Variants in FUBP3 observed in about 807,000 individuals in gnomAD.
FUBP3 encodes the protein far upstream element binding protein 3.
In FUBP3, 28 loss-of-function variants were observed where a neutral mutation model predicts 85.6. That is an observed-to-expected ratio of 0.33 (90% CI 0.24 to 0.45). The LOEUF (loss-of-function observed/expected upper bound fraction) is 0.45, where lower values mean the gene tolerates loss of function less well. Among genes scored for constraint, FUBP3 ranks in the 20% least tolerant of loss-of-function variants. The probability of loss-of-function intolerance (pLI) is 1.00; values close to 1 mark genes in which losing one functional copy is unlikely to be tolerated. For missense variants in FUBP3, 583 were observed against 755.1 expected, an observed-to-expected ratio of 0.77 and a Z score of 2.67; for synonymous variants, 271 against 271.4, an observed-to-expected ratio of 1.00 and a Z score of 0.01.
rs114245613 is a variant in FUBP3, at chr9:130,603,898, G to A, written c.191-6056G>A. ...GCACAGTCCACAACTGCACTGTTGG[G>A]CATTTATCCCCAAGAAAGGAAAATG... On this transcript the variant is annotated intron_variant, in intron 2 of 18. Coordinates refer to ENST00000319725, the MANE Select transcript of FUBP3 (RefSeq NM_003934.2). 3.3e-3 allele frequency among the ~76,000 whole-genome samples: 499 copies of A among 152,222 alleles called. 4 individuals are homozygous for A. The highest frequency in any genetic ancestry group is 0.011 in the African/African-American group (470 of 41,526).
At chr9:130,631,292 A>AG (rs1830197915) in intron 13 of FUBP3, 1 of 1,359,392 alleles carries the variant, frequency 7.4e-7, no homozygotes, top group African/African-American at 1.5e-5. Context: ...AGAGTCAAGC[A>AG]GGTTGGTCCC....
At chr9:130,605,855 ACACCTG>A (rs1484316011) in intron 2 of FUBP3, among the ~76,000 whole-genome samples, 7 of 152,122 alleles carry the variant, frequency 4.6e-5, no homozygotes, top group Non-Finnish European at 8.8e-5. Context: ...ATGGCGGCAC[ACACCTG>A]TAATCCTGGC....
chr9:130,610,068 A>G (rs1027466264), intron 3 of FUBP3, 81 bp downstream of exon 3: 7 of 1,125,822 alleles, frequency 6.2e-6, no homozygotes, highest in South Asian at 5.0e-5. Context: ...GAGTGCTAGA[A>G]AGTCAGAGGT....
At chr9:130,623,067 A>G (rs777188942) in intron 10 of FUBP3, among the ~76,000 whole-genome samples, 2 of 152,004 alleles carry the variant, frequency 1.3e-5, no homozygotes, top group Admixed American at 6.6e-5. Context: ...GAGTATATGC[A>G]TAGTATGTCA....
intron 2 of FUBP3, among the ~76,000 whole-genome samples, chr9:130,605,934 AG>A (rs1831404926): frequency 7.3e-6 from 1 of 137,566 alleles, no homozygotes; most frequent in South Asian, 2.5e-4. Context: ...CAGTGAGCCG[AG>A]ATCGCGCCGC....
intron 2 of FUBP3, among the ~76,000 whole-genome samples, chr9:130,602,194 C>A (rs145781900): frequency 6.6e-6 from 1 of 152,112 alleles, no homozygotes; most frequent in South Asian, 2.1e-4. Flanking sequence ...AAAAATGTAG[C>A]GTATACAGGG....
At chr9:130,621,413 T>C (rs995768700) in intron 9 of FUBP3, among the ~76,000 whole-genome samples, 1 of 152,166 alleles carries the variant, frequency 6.6e-6, no homozygotes, top group Non-Finnish European at 1.5e-5. Flanking sequence ...GGCTCACTCC[T>C]CCCAGGAGAT....
At chr9:130,631,410 G>A in intron 13 of FUBP3, 147 bp from the exon 14 acceptor site, 2 of 1,287,360 alleles carry the variant, frequency 1.6e-6, no homozygotes, top group Non-Finnish European at 2.1e-6. Flanking sequence ...CCTGCTGTGG[G>A]AAGGAAGGCT....
intron 11 of FUBP3, 91 bp from the exon 12 acceptor site, chr9:130,626,273 C>T (rs1161719642): frequency 7.3e-7 from 1 of 1,364,290 alleles, no homozygotes. Context: ...GCATTGATTA[C>T]ATCCTGTCAC....
intron 1 of FUBP3, among the ~76,000 whole-genome samples, chr9:130,587,275 T>C (rs566211964): frequency 1.3e-5 from 2 of 151,048 alleles, no homozygotes; most frequent in South Asian, 2.1e-4. Flanking sequence ...ATGTTGGCCA[T>C]GATGGTCTCA....
intron 1 of FUBP3, chr9:130,581,731 T>C (rs1830137776): frequency 6.6e-6 from 1 of 152,248 alleles, no homozygotes; most frequent in African/African-American, 2.4e-5. Flanking sequence ...AGTATATTTA[T>C]TTAAACGCAA....
intron 1 of FUBP3, among the ~76,000 whole-genome samples, chr9:130,587,773 G>C (rs561483110): frequency 9.2e-5 from 14 of 152,224 alleles, no homozygotes; most frequent in African/African-American, 2.6e-4. Context: ...TTGTCTTAAG[G>C]GTACCAAGAT....
At chr9:130,588,849 C>G (rs1234564060) in intron 1 of FUBP3, among the ~76,000 whole-genome samples, 1 of 152,236 alleles carries the variant, frequency 6.6e-6, no homozygotes. Context: ...AGGGCTACTT[C>G]CCTGGCTGCA....
chr9:130,600,919 T>A (rs1057079267), intron 2 of FUBP3, among the ~76,000 whole-genome samples: 2 of 152,088 alleles, frequency 1.3e-5, no homozygotes, highest in African/African-American at 4.8e-5. Context: ...AAGACCACAG[T>A]AAGCAGTGAT....
At chr9:130,619,044 C>T (rs1362938958) in intron 8 of FUBP3, among the ~76,000 whole-genome samples, 1 of 152,192 alleles carries the variant, frequency 6.6e-6, no homozygotes, top group Non-Finnish European at 1.5e-5. Context: ...TCTCGCCTTT[C>T]CCCACCCTGC....
intron 1 of FUBP3, among the ~76,000 whole-genome samples, chr9:130,585,627 A>G (rs1830309057): frequency 6.6e-6 from 1 of 152,252 alleles, no homozygotes; most frequent in South Asian, 2.1e-4. Context: ...CAGAACCTTT[A>G]ACATGCTTAT....
At chr9:130,587,286 A>G (rs1035276065) in intron 1 of FUBP3, among the ~76,000 whole-genome samples, 1 of 151,956 alleles carries the variant, frequency 6.6e-6, no homozygotes, top group Non-Finnish European at 1.5e-5. Context: ...GATGGTCTCA[A>G]TCTCCTGACC....
intron 1 of FUBP3, among the ~76,000 whole-genome samples, chr9:130,586,207 G>A (rs898086821): frequency 1.3e-5 from 2 of 152,178 alleles, no homozygotes; most frequent in African/African-American, 4.8e-5. Context: ...AGACTGAGTA[G>A]TGTGATTGGA....
At chr9:130,626,886 G>A (rs1409042613) in intron 12 of FUBP3, among the ~76,000 whole-genome samples, 1 of 152,188 alleles carries the variant, frequency 6.6e-6, no homozygotes, top group Non-Finnish European at 1.5e-5. Context: ...TATCCTCAGT[G>A]AAAATTCCTT....
Sources: gnomAD v4.1 joint callset for allele counts (sites outside exome capture counted in the v4.1 genomes callset) on GRCh38, gnomAD v4.1.1 for gene constraint, MANE v1.5 for transcripts, NCBI Gene and HGNC (gene_info 2026-07-23, HGNC 2026-07-21) for gene names.